ASTN1: variants seen among roughly 807,000 people sequenced by gnomAD.
The protein encoded by ASTN1 is astrotactin 1.
Under a neutral mutation model 140.7 loss-of-function variants are expected in ASTN1, and 41 were observed. That is an observed-to-expected ratio of 0.29 (90% CI 0.23 to 0.38). The LOEUF is 0.38. Ranked by LOEUF, ASTN1 falls within the 10% of genes least tolerant of loss-of-function variation. The pLI is 1.00. For missense variants in ASTN1, 1,479 were observed against 1,678.8 expected (o/e 0.88, Z 2.08); for synonymous variants, 640 against 652.2 (o/e 0.98, Z 0.29).
intron 9 of ASTN1, among the ~76,000 whole-genome samples, chr1:176,960,543 C>A (rs868662400): frequency 1.4e-4 from 22 of 152,250 alleles, no homozygotes; most frequent in Middle Eastern, 3.4e-3. Context: ...GTTTTCTCTT[C>A]CTCTTCTGAA....
At position 177,164,407 on chromosome 1, in the gene ASTN1, G is replaced by C; in HGVS notation, c.270C>G (p.Pro90=). The change falls in exon 1 of 23, where the codon CCC becomes CCG. Residue 90 remains proline (P), a synonymous_variant. Coordinates refer to ENST00000361833, the MANE Select transcript of ASTN1 (RefSeq NM_004319.3). ...CCCGGGACTCACCCAGCACGAAGTA[G>C]GGCAGCTCCGTGTTCTCCAGGTCGT... ...VVDDLENTEL[P]YFVLEISGNT... is the part of the protein sequence containing the mutation. 6.2e-7 allele frequency: 1 copy of C among 1,606,818 alleles called. No individual in the cohort carries two copies. The highest frequency in any genetic ancestry group is 1.1e-5 in the South Asian group (1 of 90,012).
At chr1:176,996,191 T>C (rs1246708814) in intron 8 of ASTN1, among the ~76,000 whole-genome samples, 2 of 150,684 alleles carry the variant, frequency 1.3e-5, no homozygotes, top group Non-Finnish European at 2.9e-5. Context: ...ACCAAGAAAC[T>C]GAAAGTCAGG....
intron 13 of ASTN1, among the ~76,000 whole-genome samples, chr1:176,945,366 T>C (rs1295648385): frequency 6.6e-6 from 1 of 152,216 alleles, no homozygotes; most frequent in African/African-American, 2.4e-5. Flanking sequence ...TATTAACATA[T>C]TTTATAAAAC....
At chr1:177,130,473 G>C (rs554548607) in intron 1 of ASTN1, among the ~76,000 whole-genome samples, 14 of 152,224 alleles carry the variant, frequency 9.2e-5, no homozygotes, top group Admixed American at 5.2e-4. Context: ...TCTTAAAATC[G>C]CTCCTGGAGT....
At chr1:176,949,503 C>A in intron 11 of ASTN1, 152 bp from the exon 12 acceptor site, 1 of 914,298 alleles carries the variant, frequency 1.1e-6, no homozygotes, top group Non-Finnish European at 1.6e-6. Context: ...CCACAGCAGA[C>A]TTCTTTTAAA....
chr1:177,069,502 G>C (rs889171066), intron 1 of ASTN1, among the ~76,000 whole-genome samples: 6 of 152,160 alleles, frequency 3.9e-5, no homozygotes, highest in African/African-American at 1.4e-4. Context: ...TTGGGGGTGG[G>C]AGCTGTGGGA....
chr1:177,048,023 T>C (rs931379653), intron 2 of ASTN1, among the ~76,000 whole-genome samples: 1 of 152,204 alleles, frequency 6.6e-6, no homozygotes, highest in African/African-American at 2.4e-5. Flanking sequence ...GGCCTTTGAA[T>C]GCACTTACAG....
At chr1:177,098,187 G>C (rs566638109) in intron 1 of ASTN1, among the ~76,000 whole-genome samples, 1 of 152,268 alleles carries the variant, frequency 6.6e-6, no homozygotes, top group South Asian at 2.1e-4. Flanking sequence ...AGGGGGAGCA[G>C]TATTATGGGA....
At chr1:176,951,187 G>A (rs1030960745) in intron 11 of ASTN1, among the ~76,000 whole-genome samples, 16 of 152,206 alleles carry the variant, frequency 1.1e-4, no homozygotes, top group Admixed American at 7.9e-4. Flanking sequence ...GGGCTGCCTC[G>A]TGCTGTGCAA....
intron 11 of ASTN1, among the ~76,000 whole-genome samples, chr1:176,952,494 A>G (rs988133849): frequency 3.4e-5 from 5 of 148,858 alleles, no homozygotes; most frequent in Non-Finnish European, 7.5e-5. Flanking sequence ...AGATTTCCAG[A>G]AAAAAAAAAG....
At chr1:176,936,728 T>G (rs1671464540) in intron 14 of ASTN1, among the ~76,000 whole-genome samples, 1 of 152,206 alleles carries the variant, frequency 6.6e-6, no homozygotes, top group Admixed American at 6.5e-5. Context: ...TAACTTCTGG[T>G]TCTCAAAACC....
Position 176,864,397 on chromosome 1 carries a change from T to G in ASTN1, c.3772A>C (p.Ile1258Leu). 1 of 1,614,090 alleles carries G rather than the reference T, an allele frequency of 6.2e-7. No homozygotes were observed. The highest frequency in any genetic ancestry group is 2.2e-5 in the East Asian group (1 of 44,870). The change falls in exon 23 of 23, where the codon ATC becomes CTC. Residue 1258 changes from isoleucine (I) to leucine (L), a missense_variant. Transcript: ENST00000361833. The part of the protein sequence containing the change: ...LKYLGCRYSE[I>L]KPYGLDWAEL... The stretch of plus-strand genomic sequence containing the variant: ...GCCCAGTCAAGTCCGTAGGGTTTGA[T>G]CTCGCTGTAGCGGCACCCCAGGTAC...
intron 14 of ASTN1, among the ~76,000 whole-genome samples, chr1:176,943,601 C>T (rs1191064370): frequency 2.0e-5 from 3 of 152,146 alleles, no homozygotes; most frequent in Admixed American, 6.5e-5. Flanking sequence ...TTCCTCTAAT[C>T]CCCCAAGAAC....
intron 2 of ASTN1, among the ~76,000 whole-genome samples, chr1:177,046,428 T>C (rs1028660901): frequency 3.3e-5 from 5 of 152,142 alleles, no homozygotes; most frequent in African/African-American, 1.2e-4. Flanking sequence ...GACACTGTAG[T>C]AGAAGTGTGA....
intron 7 of ASTN1, 138 bp downstream of exon 7, chr1:177,023,266 A>T: frequency 9.0e-7 from 1 of 1,115,048 alleles, no homozygotes; most frequent in Non-Finnish European, 1.2e-6. Flanking sequence ...GCCCAACCAC[A>T]TGCAGGCAGT....
intron 18 of ASTN1, among the ~76,000 whole-genome samples, chr1:176,885,054 C>T (rs1233870697): frequency 1.3e-5 from 2 of 152,168 alleles, no homozygotes; most frequent in African/African-American, 4.8e-5. Context: ...CTAGCTGGAC[C>T]TTGGAACAGG....
chr1:176,907,376 T>C (rs1022029628), intron 16 of ASTN1, among the ~76,000 whole-genome samples: 5 of 152,140 alleles, frequency 3.3e-5, no homozygotes, highest in Non-Finnish European at 7.4e-5. Flanking sequence ...TACTGTTTGG[T>C]AAAAAGAAAC....
chr1:177,082,178 CA>C (rs1251743167), intron 1 of ASTN1, among the ~76,000 whole-genome samples: 1 of 152,112 alleles, frequency 6.6e-6, no homozygotes, highest in Non-Finnish European at 1.5e-5. Flanking sequence ...AAGGCATGCA[CA>C]AGTGATGGTA....
chr1:177,104,011 G>A (rs1397789418), intron 1 of ASTN1, among the ~76,000 whole-genome samples: 2 of 152,122 alleles, frequency 1.3e-5, no homozygotes, highest in Non-Finnish European at 2.9e-5. Flanking sequence ...GGCCTGGCGT[G>A]CAGTAACGCA....
Sources: gnomAD v4.1 joint callset for allele counts (sites outside exome capture counted in the v4.1 genomes callset) on GRCh38, gnomAD v4.1.1 for gene constraint, MANE v1.5 for transcripts, NCBI Gene and HGNC (gene_info 2026-07-23, HGNC 2026-07-21) for gene names.